The following ALX3 variants were observed in gnomAD, a reference collection of about 807,000 sequenced individuals.
ALX3 encodes ALX homeobox 3.
A neutral mutation model predicts 26.3 loss-of-function variants in ALX3; 17 were observed. That is an observed-to-expected ratio of 0.65 (90% CI 0.44 to 0.97). The LOEUF is 0.97. Among genes scored for constraint, ALX3 ranks in the 50% least tolerant of loss-of-function variants. The pLI is 0.00. For synonymous variants in ALX3, 208 were observed against 201.4 expected, an observed-to-expected ratio of 1.03 and a Z score of -0.28; for missense variants, 461 against 466.5, an observed-to-expected ratio of 0.99 and a Z score of 0.11.
chr1:110,065,630 G>A (rs1184292114), intron 1 of ALX3, among the ~76,000 whole-genome samples: 1 of 152,196 alleles, frequency 6.6e-6, no homozygotes, highest in Non-Finnish European at 1.5e-5. Context: ...AAGAAGGAGA[G>A]TTGGGGACCA....
chr1:110,060,356 C>A lies in ALX3; in HGVS notation c.*377G>T, dbSNP rs959843474. The A allele has an allele frequency of 1.2e-5, 2 of 161,114 alleles. No individual in the cohort carries two copies. Among genetic ancestry groups the A allele is most frequent in the Admixed American group, 1.3e-4 (2 of 15,904 alleles). 10.0% of individuals were successfully genotyped at this position (161,114 alleles called of 1,614,324 possible). On this transcript the variant is annotated 3_prime_UTR_variant, in exon 4 of 4. Transcript: ENST00000647563. ...TCATCATGAAGAGCTTCAGTCCACG[C>A]GGCGTTCTCCTCCCATTTTCCTGGG...
chr1:110,065,684 T>C (rs559820624), intron 1 of ALX3, among the ~76,000 whole-genome samples: 2 of 152,330 alleles, frequency 1.3e-5, no homozygotes, highest in African/African-American at 4.8e-5. Flanking sequence ...ATTCCCATCA[T>C]TGACCACCCC....
rs1653617857 is a variant in ALX3 at position 110,060,794 on chromosome 1, C to T, written c.971G>A (p.Ser324Asn). 3.7e-6 allele frequency: 6 copies of T among 1,613,508 alleles called. No homozygotes were observed. The East Asian group carries it at 1.3e-4, about 36-fold the overall frequency. ...PSSDGDYKSP[S>N]LVSLRVKPKE... ...GGGCTTTACCCTGAGCGAGACGAGG[C>T]TTGGAGACTTATAGTCACCATCTGA... is the stretch of plus-strand genomic sequence containing the variant. The change falls in exon 4 of 4, where the codon AGC (serine) becomes AAC (asparagine). Residue 324 changes from serine to asparagine, a missense_variant. Ser to Asn is a conservative substitution (Grantham distance 46). Transcript: ENST00000647563.
intron 1 of ALX3, among the ~76,000 whole-genome samples, chr1:110,067,072 C>G (rs1191594457): frequency 6.6e-6 from 1 of 152,186 alleles, no homozygotes; most frequent in African/African-American, 2.4e-5. Context: ...CTGGAGAACA[C>G]CAGAGGGAGG....
intron 1 of ALX3, among the ~76,000 whole-genome samples, chr1:110,069,609 C>T (rs1008661240): frequency 5.9e-5 from 9 of 152,230 alleles, no homozygotes; most frequent in African/African-American, 2.2e-4. Context: ...GACTGCCCAG[C>T]GGTGATGATC....
intron 2 of ALX3, among the ~76,000 whole-genome samples, chr1:110,063,976 A>G (rs549091922): frequency 2.0e-5 from 3 of 151,836 alleles, no homozygotes; most frequent in East Asian, 2.0e-4. Context: ...CCTGATCTCC[A>G]TGGGGGATTT....
chr1:110,060,193 GC>G lies in ALX3; in HGVS notation c.*539del, dbSNP rs1256557110. The G allele has an allele frequency of 1.3e-5, 2 of 152,212 alleles. No individual in the cohort carries two copies. The highest frequency in any genetic ancestry group is 2.4e-5 in the African/African-American group (1 of 41,424). The allele number at this position is 152,212 out of a possible 1,614,324, so 9.4% of individuals were successfully genotyped here. ...GAGTGAGGGTGGCTGGAGCTGAGGA[GC>G]CAGTGTGCCTCAGTCTATGCTGACC... On this transcript the variant is annotated 3_prime_UTR_variant, in exon 4 of 4. Coordinates refer to ENST00000647563, the MANE Select transcript of ALX3 (RefSeq NM_006492.3).
At chr1:110,069,117 C>A (rs1217788495) in intron 1 of ALX3, among the ~76,000 whole-genome samples, 1 of 152,264 alleles carries the variant, frequency 6.6e-6, no homozygotes, top group Non-Finnish European at 1.5e-5. Flanking sequence ...AGGAGCCAGG[C>A]CAACTGCTTC....
chr1:110,060,760 T>G lies in ALX3; in HGVS notation c.1005A>C (p.Pro335=). The G allele has an allele frequency of 6.7e-7, 1 of 1,489,396 alleles. No homozygotes were observed. Among genetic ancestry groups the G allele is most frequent in the Non-Finnish European group, 8.9e-7 (1 of 1,118,304 alleles). The allele number at this position is 1,489,396 out of a possible 1,614,324, so 92.3% of individuals were successfully genotyped here. The change falls in exon 4 of 4, where the codon CCA becomes CCC. Residue 335 remains proline (P), a synonymous_variant. Coordinates refer to ENST00000647563, the MANE Select transcript of ALX3 (RefSeq NM_006492.3). ...ACGTGGTCCAGTTCAGAAGGCCGGG[T>G]GGCTCCTTGGGCTTTACCCTGAGCG... ...LVSLRVKPKE[P]PGLLNWTT
chr1:110,068,569 G>A (rs1177628787), intron 1 of ALX3, among the ~76,000 whole-genome samples: 2 of 152,178 alleles, frequency 1.3e-5, no homozygotes, highest in Non-Finnish European at 2.9e-5. Context: ...TTCTCATTTT[G>A]ATATATTCTA....
At position 110,070,487 on chromosome 1, in the gene ALX3, C is replaced by A. The variant is rs1348362592; in HGVS notation, c.126G>T (p.Pro42=). Residue 42 remains proline (P), a synonymous_variant, in exon 1 of 4, where the codon CCG becomes CCT. Transcript: ENST00000647563. The stretch of plus-strand genomic sequence containing the variant: ...AGCGGGTCAGCCGCGGGCCGCGGGG[C>A]GGCGCGGGGTGCAGGTGAGGCGCAG... ...PAAAPHLHPA[P]PRGPRLTRFP... is the part of the protein sequence containing the mutation. 1.6e-6 allele frequency: 2 copies of A among 1,258,598 alleles called. No individual in the cohort carries two copies. Among genetic ancestry groups the A allele is most frequent in the Non-Finnish European group, 2.0e-6 (2 of 1,002,696 alleles). The allele number at this position is 1,258,598 out of a possible 1,614,324, so 78.0% of individuals were successfully genotyped here.
intron 3 of ALX3, 109 bp from the exon 4 acceptor site, chr1:110,061,150 C>A: frequency 2.3e-6 from 3 of 1,282,898 alleles, no homozygotes; most frequent in Non-Finnish European, 3.3e-6. Flanking sequence ...TCCAGGAAAC[C>A]TCCACTTGGC....
intron 1 of ALX3, among the ~76,000 whole-genome samples, chr1:110,066,743 T>A (rs1308651319): frequency 3.3e-5 from 5 of 151,338 alleles, no homozygotes; most frequent in Admixed American, 1.3e-4. Context: ...AGGGCTGGGG[T>A]TCAAGAGTAC....
chr1:110,064,109 A>G (rs1025520586), intron 2 of ALX3, among the ~76,000 whole-genome samples: 2 of 152,070 alleles, frequency 1.3e-5, no homozygotes, highest in African/African-American at 4.8e-5. Context: ...ACTAACCCTG[A>G]GACCTCCTGA....
rs1274308832 is a variant in ALX3 at position 110,064,878 on chromosome 1, G to C, written c.303C>G (p.Ala101=). The change falls in exon 2 of 4, where the codon GCC becomes GCG. Residue 101 remains alanine (A), a synonymous_variant. Coordinates refer to ENST00000647563, the MANE Select transcript of ALX3 (RefSeq NM_006492.3). ...AGTCCAAGGGCAGCTGGGGGAAGCT[G>C]GCAGCTTTGGAGGTCTTCTCCTCAG... ...AEAEEKTSKA[A]SFPQLPLDCR... 3.7e-6 allele frequency: 6 copies of C among 1,609,998 alleles called. No homozygotes were observed. Among genetic ancestry groups the C allele is most frequent in the Non-Finnish European group, 5.1e-6 (6 of 1,178,026 alleles).
In ALX3 at chr1:110,061,035, T is replaced by G; in HGVS notation, c.730A>C (p.Asn244His). 6.2e-7 allele frequency: 1 copy of G among 1,607,340 alleles called. No homozygotes were observed. Among genetic ancestry groups the G allele is most frequent in the Non-Finnish European group, 8.5e-7 (1 of 1,177,762 alleles). Residue 244 changes from asparagine to histidine, a missense_variant, in exon 4 of 4, where the codon AAC becomes CAC. This residue lies in a region of ALX3 where 169 missense variants were observed against 178.0 expected (regional missense o/e 0.95). Coordinates refer to ENST00000647563, the MANE Select transcript of ALX3 (RefSeq NM_006492.3). ...GATCCTGGACTGGCCCACAGGGAGT[T>G]CTGCAGCTGAAAAGAGAGGGAAAGA... is the stretch of plus-strand genomic sequence containing the variant. ...PRTDSHPQLQ[N>H]SLWASPGSGS...
rs556285523 is a variant in ALX3 at position 110,069,732 on chromosome 1, C to T, written c.277+604G>A. Among the ~76,000 whole-genome samples the T allele has an allele frequency of 2.0e-5, 3 of 152,320 alleles. No individual in the cohort carries two copies. The East Asian group carries it at 5.8e-4, about 29-fold the overall frequency. On this transcript the variant is annotated intron_variant, in intron 1 of 3. Coordinates refer to ENST00000647563, the MANE Select transcript of ALX3 (RefSeq NM_006492.3). The stretch of plus-strand genomic sequence containing the variant: ...CAGTTATTCCGTCTTGAGGACAGCC[C>T]TGGCATTGCACGACCAGTCGCGGCC...
At chr1:110,061,645 G>A in intron 2 of ALX3, 82 bp from the exon 3 acceptor site, 1 of 1,579,550 alleles carries the variant, frequency 6.3e-7, no homozygotes, top group Non-Finnish European at 8.6e-7. Flanking sequence ...TGATGGTTGT[G>A]TCCTCTTGTG....
chr1:110,061,300 T>C, intron 3 of ALX3, 135 bp downstream of exon 3: 1 of 1,371,986 alleles, frequency 7.3e-7, no homozygotes, highest in Non-Finnish European at 1.0e-6. Context: ...GAGCCCCGGT[T>C]TGCAGAGAAA....
Sources: gnomAD v4.1 joint callset for allele counts (sites outside exome capture counted in the v4.1 genomes callset) on GRCh38, gnomAD v4.1.1 for gene constraint, gnomAD v4.1.1 regional missense constraint, MANE v1.5 for transcripts, NCBI Gene and HGNC (gene_info 2026-07-23, HGNC 2026-07-21) for gene names.